TTN: variants seen among roughly 807,000 people sequenced by gnomAD.
The protein encoded by TTN is connectin.
Under a neutral mutation model 3,223.0 loss-of-function variants are expected in TTN, and 1,525 were observed. That is an observed-to-expected ratio of 0.47 (90% CI 0.45 to 0.49). TTN has a LOEUF of 0.49. TTN is among the 20% of genes least tolerant of loss of function. The probability of loss-of-function intolerance (pLI) is 0.00; values close to 1 mark genes in which losing one functional copy is unlikely to be tolerated. For synonymous variants in TTN, 14,094 were observed against 15,161.0 expected (o/e 0.93, Z 5.17); for missense variants, 40,786 against 43,424.0 (o/e 0.94, Z 5.40).
Position 178,634,642 on chromosome 2 carries a change from C to T in TTN, c.42152-13G>A, listed in dbSNP as rs1156267089. On this transcript the variant is annotated splice_polypyrimidine_tract_variant and intron_variant, in intron 229 of 362. Coordinates refer to ENST00000589042, the MANE Select transcript of TTN (RefSeq NM_001267550.2). This position sits in a 1 kb window ranked among gnomAD's most constrained non-coding sequence, Gnocchi z 4.6. Reference sequence around the variant, plus strand: ...TCAAGTTCGATTTCTGAAAATCAGACATTAAGAATGAGGCTTTTCAGAATG... The same window carrying T: ...TCAAGTTCGATTTCTGAAAATCAGATATTAAGAATGAGGCTTTTCAGAATG... 9 of 1,612,576 alleles carry T rather than the reference C, an allele frequency of 5.6e-6. No homozygotes were observed. The highest frequency in any genetic ancestry group is 4.4e-5 in the South Asian group (4 of 90,866).
chr2:178,549,859 T>A lies in TTN; in HGVS notation c.91863A>T (p.Gly30621=). The part of the protein sequence containing the change: ...EIKVKVQDTP[G]KVVGPIRFTN... The stretch of plus-strand genomic sequence containing the variant: ...TGAATCTTATTGGCCCAACTACTTT[T>A]CCTGGTGTATCTATAAGAAAAAGTT... Residue 30621 remains glycine, a synonymous_variant, in exon 338 of 363, where the codon GGA becomes GGT. Transcript: ENST00000589042. The A allele has an allele frequency of 6.4e-7, 1 of 1,563,684 alleles. No individual in the cohort carries two copies. Among genetic ancestry groups the A allele is most frequent in the Non-Finnish European group, 8.6e-7 (1 of 1,157,342 alleles).
Position 178,653,137 on chromosome 2 carries a change from T to C in TTN, c.38792-13A>G, listed in dbSNP as rs1247929337. 2 of 1,612,216 alleles carry C rather than the reference T, an allele frequency of 1.2e-6. No homozygotes were observed. Among genetic ancestry groups the C allele is most frequent in the Non-Finnish European group, 1.7e-6 (2 of 1,179,332 alleles). On this transcript the variant is annotated splice_polypyrimidine_tract_variant and intron_variant, in intron 198 of 362. Coordinates refer to ENST00000589042, the MANE Select transcript of TTN (RefSeq NM_001267550.2). ...GGAGCCTCTGGCACTTAAAAGATAT[T>C]AGGTAAAATTACATTTAGGGGTTAT...
chr2:178,624,664 C>T lies in TTN; in HGVS notation c.44616G>A (p.Leu14872=). ...QTVEEGATAV[L]ECEVSRENAK... ...CATTTTCTCTGGAGACTTCACACTC[C>T]AGCACTGCAGTGGCTCCCTCTTCGA... is the stretch of plus-strand genomic sequence containing the variant. Residue 14872 remains leucine (L), a synonymous_variant, in exon 242 of 363, where the codon CTG becomes CTA. Coordinates refer to ENST00000589042, the MANE Select transcript of TTN (RefSeq NM_001267550.2). 1.2e-6 allele frequency: 2 copies of T among 1,612,504 alleles called. No homozygotes were observed. The highest frequency in any genetic ancestry group is 1.7e-6 in the Non-Finnish European group (2 of 1,179,096).
In TTN at chr2:178,732,500, T is replaced by C. The variant is rs777565819; in HGVS notation, c.16561A>G (p.Thr5521Ala). 1.2e-6 allele frequency: 2 copies of C among 1,613,684 alleles called. No homozygotes were observed. Among genetic ancestry groups the C allele is most frequent in the Non-Finnish European group, 1.7e-6 (2 of 1,179,708 alleles). ...CCAGCGACATTGCTGACTTTACATGTGTACGTGCCCGAATCAGAGGTTTTT... is the reference window on the plus strand; with the variant it reads ...CCAGCGACATTGCTGACTTTACATGCGTACGTGCCCGAATCAGAGGTTTTT... ...LVKTSDSGTY[T>A]CKVSNVAGGV... is the part of the protein sequence containing the mutation. Residue 5521 changes from threonine (T) to alanine (A), a missense_variant, in exon 56 of 363, where the codon ACA becomes GCA. Transcript: ENST00000589042.
chr2:178,751,455 C>T (rs1389837625), intron 47 of TTN: 1 of 1,613,136 alleles, frequency 6.2e-7, no homozygotes, highest in Non-Finnish European at 8.5e-7. Flanking sequence ...CCCTTTTGTT[C>T]CACATCTTGT....
chr2:178,629,382 G>A lies in TTN; in HGVS notation c.44343C>T (p.Ala14781=). The change falls in exon 240 of 363, where the codon GCC becomes GCT. Residue 14781 remains alanine (A), a synonymous_variant. Transcript: ENST00000589042. ...KDVTVTAGET[A]TFDCELSYED... ...CGTAGGAGAGCTCGCAGTCGAAGGT[G>A]GCTGTTTCCCCTGCAGTCACGGTGA... is the stretch of plus-strand genomic sequence containing the variant. 1 of 1,613,002 alleles carries A rather than the reference G, an allele frequency of 6.2e-7. No individual in the cohort carries two copies. The highest frequency in any genetic ancestry group is 2.2e-5 in the East Asian group (1 of 44,668).
intron 17 of TTN, among the ~76,000 whole-genome samples, chr2:178,783,417 A>G (rs1238542616): frequency 6.6e-6 from 1 of 152,152 alleles, no homozygotes; most frequent in African/African-American, 2.4e-5. Flanking sequence ...GGCAAAGAAA[A>G]TATTTCAAAG....
In TTN at chr2:178,773,232, A is replaced by C; in HGVS notation, c.7732T>G (p.Tyr2578Asp). ...KDKEIKPSSK[Y>D]KIEAHGKIYK... ...ATTTTTCCATGTGCTTCAATTTTAT[A>C]TTTAGAACTGGGCTTGATTTCCTTG... is the stretch of plus-strand genomic sequence containing the variant. Residue 2578 changes from tyrosine (Y) to aspartate (D), a missense_variant, in exon 33 of 363, where the codon TAT (tyrosine) becomes GAT (aspartate). Transcript: ENST00000589042. 6.2e-7 allele frequency: 1 copy of C among 1,613,764 alleles called. No homozygotes were observed. Among genetic ancestry groups the C allele is most frequent in the Non-Finnish European group, 8.5e-7 (1 of 1,179,908 alleles).
chr2:178,714,664 A>T, intron 90 of TTN, 91 bp from the exon 91 acceptor site: 1 of 1,361,772 alleles, frequency 7.3e-7, no homozygotes, highest in Non-Finnish European at 9.8e-7. Context: ...CAAACTAGTG[A>T]TAATGTGTTA....
Position 178,580,493 on chromosome 2 carries a change from AC to A in TTN, c.66885del (p.Trp22295CysfsTer8), listed in dbSNP as rs1409968060. 6.2e-7 allele frequency: 1 copy of A among 1,612,980 alleles called. No individual in the cohort carries two copies. Among genetic ancestry groups the A allele is most frequent in the Non-Finnish European group, 8.5e-7 (1 of 1,179,386 alleles). On this transcript the variant is annotated frameshift_variant, in exon 317 of 363. Coordinates refer to ENST00000589042, the MANE Select transcript of TTN (RefSeq NM_001267550.2). LOFTEE classifies it high-confidence loss of function. ...TCTCTTAGATTGACATTTGGTTTAG[AC>A]CAAGTAATCTTTGGAGGTGGGCGTC... ...VKGRPPPKITWSKPNVNLRDR... is the reference protein window; with the variant it reads ...VKGRPPPKITXSKPNVNLRDR...
chr2:178,533,925 T>C lies in TTN; in HGVS notation c.102690A>G (p.Arg34230=). ...TACGGCAGTAATAGTCATAGACTTCTCTCACACCTTTAACAAATAGCTCTG... is the reference window on the plus strand; with the variant it reads ...TACGGCAGTAATAGTCATAGACTTCCCTCACACCTTTAACAAATAGCTCTG... The part of the protein sequence containing the change: ...SYAELFVKGV[R]EVYDYYCRRT... Residue 34230 remains arginine (R), a synonymous_variant, in exon 358 of 363, where the codon AGA becomes AGG. Transcript: ENST00000589042. The C allele has an allele frequency of 1.2e-6, 2 of 1,613,930 alleles. No homozygotes were observed. Among genetic ancestry groups the C allele is most frequent in the African/African-American group, 2.7e-5 (2 of 75,070 alleles).
chr2:178,770,628 G>T lies in TTN; in HGVS notation c.8164C>A (p.Gln2722Lys). The change falls in exon 35 of 363, where the codon CAG becomes AAG. Residue 2722 changes from glutamine (Q) to lysine (K), a missense_variant. By Grantham distance (53) the Gln-to-Lys change is moderately conservative (BLOSUM62 1). Transcript: ENST00000589042. ...AGCTCGACAGTGAAAACAGCATCCT[G>T]TGTTTCTGTCACTGTGAGGTTCTTC... ...TLKNLTVTET[Q>K]DAVFTVELTH... 6.2e-7 allele frequency: 1 copy of T among 1,613,948 alleles called. No individual in the cohort carries two copies. The highest frequency in any genetic ancestry group is 8.5e-7 in the Non-Finnish European group (1 of 1,180,004).
intron 250 of TTN, chr2:178,619,175 C>T (rs2057873509): frequency 2.6e-6 from 1 of 384,136 alleles, no homozygotes; most frequent in Non-Finnish European, 4.7e-6. Flanking sequence ...GCACTGCATA[C>T]TTAGTTCAAT....
At chr2:178,649,095 G>A (rs1193254000) in intron 213 of TTN, among the ~76,000 whole-genome samples, 153 bp downstream of exon 213, 2 of 151,982 alleles carry the variant, frequency 1.3e-5, no homozygotes, top group African/African-American at 2.4e-5. Flanking sequence ...ACTCCTGCTT[G>A]TCTGTTTCAT....
chr2:178,570,314 T>C lies in TTN; in HGVS notation c.75818A>G (p.Asn25273Ser). 1 of 1,613,352 alleles carries C rather than the reference T, an allele frequency of 6.2e-7. No homozygotes were observed. The highest frequency in any genetic ancestry group is 1.1e-5 in the South Asian group (1 of 91,072). The part of the protein sequence containing the change: ...SCKVTKLLEG[N>S]EYTFRIMAVN... ...TGCCATTATACGGAAAGTATATTCA[T>C]TGCCTTCAAGAAGCTTAGTAACCTT... Residue 25273 changes from asparagine to serine, a missense_variant, in exon 326 of 363, where the codon AAT becomes AGT. Coordinates refer to ENST00000589042, the MANE Select transcript of TTN (RefSeq NM_001267550.2).
intron 208 of TTN, 95 bp from the exon 209 acceptor site, chr2:178,650,929 G>A: frequency 7.6e-7 from 1 of 1,312,312 alleles, no homozygotes; most frequent in Non-Finnish European, 1.1e-6. Flanking sequence ...ATAACCCAGG[G>A]ACAGATCCAA....
At position 178,652,556 on chromosome 2, in the gene TTN, G is replaced by A. The variant is rs749495580; in HGVS notation, c.39044-15C>T. ...AGCCTCTGGCACTTAAAAGATATTA[G>A]TGAAATTACATTTAGAAGTTATGAA... On this transcript the variant is annotated splice_polypyrimidine_tract_variant and intron_variant, in intron 201 of 362. Transcript: ENST00000589042. The A allele has an allele frequency of 8.1e-6, 13 of 1,612,810 alleles. No homozygotes were observed. The East Asian group carries it at 2.7e-4, about 33-fold the overall frequency.
At position 178,732,501 on chromosome 2, in the gene TTN, G is replaced by A. The variant is rs772540129; in HGVS notation, c.16560C>T (p.Tyr5520=). 9.3e-6 allele frequency: 15 copies of A among 1,613,716 alleles called. No individual in the cohort carries two copies. The highest frequency in any genetic ancestry group is 1.3e-5 in the Non-Finnish European group (15 of 1,179,736). Residue 5520 remains tyrosine (Y), a synonymous_variant, in exon 56 of 363, where the codon TAC becomes TAT. Transcript: ENST00000589042. ...CAGCGACATTGCTGACTTTACATGT[G>A]TACGTGCCCGAATCAGAGGTTTTTA... is the stretch of plus-strand genomic sequence containing the variant. The part of the protein sequence containing the change: ...YLVKTSDSGT[Y]TCKVSNVAGG...
rs908851465 is a variant in TTN at position 178,570,186 on chromosome 2, C to T, written c.75946G>A (p.Val25316Met). 1.9e-6 allele frequency: 3 copies of T among 1,613,394 alleles called. No homozygotes were observed. The African/African-American group carries it at 4.0e-5, about 22-fold the overall frequency. ...ACAACAATCATTGAGTCCTTGGTCACTGTTGTGACTTCTGGAGCTTTTGGT... is the reference window on the plus strand; with the variant it reads ...ACAACAATCATTGAGTCCTTGGTCATTGTTGTGACTTCTGGAGCTTTTGGT... Reference protein sequence around the residue: ...DAPKAPEVTTVTKDSMIVVWE... With the variant: ...DAPKAPEVTTMTKDSMIVVWE... Residue 25316 changes from valine (V) to methionine (M), a missense_variant, in exon 326 of 363, where the codon GTG (valine) becomes ATG (methionine). Transcript: ENST00000589042.
Sources: gnomAD v4.1 joint callset for allele counts (sites outside exome capture counted in the v4.1 genomes callset) on GRCh38, gnomAD v4.1.1 for gene constraint, Gnocchi (gnomAD v3.1) non-coding constraint, MANE v1.5 for transcripts, NCBI Gene and HGNC (gene_info 2026-07-23, HGNC 2026-07-21) for gene names.